The following JADE3 variants were observed in gnomAD, a reference collection of about 807,000 sequenced individuals.
JADE3 encodes protein Jade-3.
JADE3 carries 2 observed loss-of-function variants against 50.1 expected under a neutral mutation model. That is an observed-to-expected ratio of 0.04 (90% CI 0.02 to 0.13). JADE3 has a LOEUF of 0.13. Among genes scored for constraint, JADE3 ranks in the 10% least tolerant of loss-of-function variants. JADE3 has a pLI of 1.00. For synonymous variants in JADE3, 218 were observed against 232.9 expected (o/e 0.94, Z 0.58); for missense variants, 475 against 634.4 (o/e 0.75, Z 2.70).
At chrX:47,032,782 G>A (rs1169033623) in intron 6 of JADE3, among the ~76,000 whole-genome samples, 1 of 111,244 alleles carries the variant, frequency 9.0e-6, no homozygotes, top group Admixed American at 9.6e-5. Flanking sequence ...TGGGGGGACC[G>A]ATATTATGGT....
chrX:46,982,503 CTT>C (rs1436690745), intron 1 of JADE3, among the ~76,000 whole-genome samples: 1 of 111,422 alleles, frequency 9.0e-6, no homozygotes, highest in Non-Finnish European at 1.9e-5. Context: ...TTGCATATCT[CTT>C]AAGTTTTTGT....
intron 1 of JADE3, among the ~76,000 whole-genome samples, chrX:46,959,844 C>T (rs941484970): frequency 9.1e-6 from 1 of 109,786 alleles, no homozygotes; most frequent in African/African-American, 3.3e-5. Context: ...GTTGGCACCA[C>T]CTCTGACAGA....
At chrX:46,984,807 A>G in intron 1 of JADE3, 77 bp from the exon 2 acceptor site, 1 of 680,758 alleles carries the variant, frequency 1.5e-6, no homozygotes, top group Non-Finnish European at 2.4e-6. Flanking sequence ...TATTTCTGGG[A>G]TCCATGGGAC....
intron 3 of JADE3, among the ~76,000 whole-genome samples, chrX:46,997,886 A>G (rs1054138563): frequency 8.9e-6 from 1 of 112,181 alleles, no homozygotes; most frequent in Non-Finnish European, 1.9e-5. Context: ...AGAGAACCCA[A>G]GAAAATAATT....
chrX:47,007,095 C>T (rs782437333), intron 4 of JADE3, among the ~76,000 whole-genome samples: 22 of 111,004 alleles, frequency 2.0e-4, no homozygotes, highest in African/African-American at 6.5e-4. Flanking sequence ...TGAGCCACTG[C>T]GCGTGGCCAG....
At chrX:46,971,396 G>T (rs1199519319) in intron 1 of JADE3, among the ~76,000 whole-genome samples, 1 of 109,324 alleles carries the variant, frequency 9.1e-6, no homozygotes, top group East Asian at 2.9e-4. Context: ...GATTACAGGC[G>T]TAAGCCCCCG....
chrX:47,025,677 G>T (rs1928892225), intron 5 of JADE3, among the ~76,000 whole-genome samples: 1 of 112,051 alleles, frequency 8.9e-6, no homozygotes, highest in Non-Finnish European at 1.9e-5. Context: ...CACAGTTCTT[G>T]TTCATCTGTT....
intron 4 of JADE3, among the ~76,000 whole-genome samples, chrX:47,002,048 A>G (rs1489195066): frequency 1.8e-5 from 2 of 111,529 alleles, no homozygotes; most frequent in East Asian, 5.6e-4. Context: ...CTCCCAGTCT[A>G]TTTATAGATT....
At chrX:46,980,126 C>T (rs782219377) in intron 1 of JADE3, among the ~76,000 whole-genome samples, 76 of 109,676 alleles carry the variant, frequency 6.9e-4, no homozygotes, top group South Asian at 1.6e-3. Flanking sequence ...ATGATCCGTC[C>T]GCCTTAGCCT....
At chrX:47,017,652 T>C (rs1248061574) in intron 4 of JADE3, among the ~76,000 whole-genome samples, 2 of 112,016 alleles carry the variant, frequency 1.8e-5, no homozygotes, top group Admixed American at 9.5e-5. Flanking sequence ...TATATATAAA[T>C]GGGATTGTTC....
At chrX:47,033,426 T>C (rs1290271291) in intron 6 of JADE3, among the ~76,000 whole-genome samples, 195 bp from the exon 7 acceptor site, 1 of 111,959 alleles carries the variant, frequency 8.9e-6, no homozygotes, top group Non-Finnish European at 1.9e-5. Context: ...TGGACAGACA[T>C]GCTGATCTTA....
rs997921282 is a variant in JADE3 at position 47,027,770 on chromosome X, G to A, written c.476-122G>A. On this transcript the variant is annotated intron_variant, in intron 5 of 10. Coordinates refer to ENST00000614628, the MANE Select transcript of JADE3 (RefSeq NM_014735.5). ...GATTTTTTGAAATCTGGTTGTTTTA[G>A]AGCAGGAAAGAGATGTTTTTATCCT... is the stretch of plus-strand genomic sequence containing the variant. 6 of 535,022 alleles carry A rather than the reference G, an allele frequency of 1.1e-5. No individual in the cohort carries two copies. The African/African-American group carries it at 1.2e-4, about 10-fold the overall frequency. 44.1% of individuals were successfully genotyped at this position (535,022 alleles called of 1,213,427 possible).
chrX:47,019,011 AG>A (rs1365476442), intron 4 of JADE3, among the ~76,000 whole-genome samples: 4 of 112,077 alleles, frequency 3.6e-5, no homozygotes, highest in African/African-American at 1.3e-4. Context: ...CAGCATAGTC[AG>A]ATTTCTTACA....
intron 1 of JADE3, among the ~76,000 whole-genome samples, chrX:46,976,355 G>A (rs1322081812): frequency 1.8e-5 from 2 of 111,964 alleles, no homozygotes; most frequent in Non-Finnish European, 3.8e-5. Flanking sequence ...CTTCCAGACA[G>A]TCCTCCTTTA....
At chrX:47,003,169 C>T (rs1302360348) in intron 4 of JADE3, among the ~76,000 whole-genome samples, 1 of 110,895 alleles carries the variant, frequency 9.0e-6, no homozygotes, top group Non-Finnish European at 1.9e-5. Context: ...TATTAGTCAG[C>T]TTGGGCTGCC....
At chrX:46,930,388 A>G (rs1393826152) in intron 1 of JADE3, among the ~76,000 whole-genome samples, 1 of 112,362 alleles carries the variant, frequency 8.9e-6, no homozygotes, top group Non-Finnish European at 1.9e-5. Context: ...GACCAGCAGA[A>G]CAACCACCTA....
At chrX:46,931,421 A>T (rs1158144765) in intron 1 of JADE3, among the ~76,000 whole-genome samples, 7 of 105,621 alleles carry the variant, frequency 6.6e-5, no homozygotes, top group Admixed American at 2.0e-4. Flanking sequence ...GTATATGTAA[A>T]TTTTTTTTTT....
chrX:47,034,163 A>G (rs905242971), intron 7 of JADE3, among the ~76,000 whole-genome samples: 35 of 111,257 alleles, frequency 3.1e-4, no homozygotes, highest in Admixed American at 2.3e-3. Flanking sequence ...TAAAACTTAT[A>G]TTTAGATGCC....
At chrX:46,971,794 TAAAAA>T (rs782105404) in intron 1 of JADE3, among the ~76,000 whole-genome samples, 1 of 85,545 alleles carries the variant, frequency 1.2e-5, no homozygotes. Flanking sequence ...AGACTCCGTC[TAAAAA>T]AAAAAAAAAA....
Sources: gnomAD v4.1 joint callset for allele counts (sites outside exome capture counted in the v4.1 genomes callset) on GRCh38, gnomAD v4.1.1 for gene constraint, MANE v1.5 for transcripts, NCBI Gene and HGNC (gene_info 2026-07-23, HGNC 2026-07-21) for gene names.